Variants in GEMIN8 observed in about 807,000 individuals in gnomAD.
GEMIN8 encodes the protein gem nuclear organelle associated protein 8.
For missense variants in GEMIN8, 185 were observed against 205.9 expected (o/e 0.90, Z 0.62); for synonymous variants, 80 against 78.5 (o/e 1.02, Z -0.10).
chrX:14,018,090 C>A (rs1373519728), intron 4 of GEMIN8, among the ~76,000 whole-genome samples: 2 of 112,379 alleles, frequency 1.8e-5, no homozygotes, highest in African/African-American at 6.5e-5. Flanking sequence ...ATTTGCCAAC[C>A]TCTGATTTAA....
intron 4 of GEMIN8, chrX:14,014,168 G>GT: frequency 1.3e-6 from 1 of 752,403 alleles, no homozygotes; most frequent in Non-Finnish European, 1.6e-6. Context: ...GGCAAAGAAT[G>GT]TTTTTTCCCC....
chrX:14,018,830 A>G (rs1195337603), intron 4 of GEMIN8, among the ~76,000 whole-genome samples: 1 of 95,055 alleles, frequency 1.1e-5, no homozygotes, highest in Non-Finnish European at 2.0e-5. Flanking sequence ...CAGTGGTGTG[A>G]TCGTGGCTCA....
intron 4 of GEMIN8, among the ~76,000 whole-genome samples, chrX:14,011,772 A>G (rs1043473883): frequency 9.0e-6 from 1 of 111,438 alleles, no homozygotes; most frequent in African/African-American, 3.3e-5. Flanking sequence ...GAACACTGAG[A>G]TCTTAGCTAT....
chrX:14,003,752 T>C (rs1238979097), downstream of GEMIN8, among the ~76,000 whole-genome samples: 1 of 112,453 alleles, frequency 8.9e-6, no homozygotes, highest in Non-Finnish European at 1.9e-5. Flanking sequence ...TTTGTACCTG[T>C]AATAGCTACC....
At chrX:14,016,228 C>CA (rs1286111237) in intron 4 of GEMIN8, among the ~76,000 whole-genome samples, 1 of 112,050 alleles carries the variant, frequency 8.9e-6, no homozygotes, top group Non-Finnish European at 1.9e-5. Flanking sequence ...GAGCATGACA[C>CA]AGACGCTAAG....
At chrX:14,016,866 A>AAATATATAT (rs1555947311) in intron 4 of GEMIN8, among the ~76,000 whole-genome samples, 1 of 57,184 alleles carries the variant, frequency 1.7e-5, no homozygotes, top group Non-Finnish European at 3.0e-5. Flanking sequence ...AAAAAAAAAA[A>AAATATATAT]ATATATATAT....
chrX:14,001,032 C>T, the GEMIN8 span, among the ~76,000 whole-genome samples: 1 of 112,163 alleles, frequency 8.9e-6, no homozygotes, highest in Non-Finnish European at 1.9e-5. Flanking sequence ...CAGACCTCTC[C>T]GTAACATTTA....
the GEMIN8 span, among the ~76,000 whole-genome samples, chrX:13,999,014 C>G: frequency 2.9e-4 from 32 of 111,528 alleles, no homozygotes; most frequent in Non-Finnish European, 2.8e-4. Context: ...TATCTCCTCC[C>G]TTTGAAAAGT....
chrX:14,001,525 C>T, the GEMIN8 span, among the ~76,000 whole-genome samples: 1 of 111,033 alleles, frequency 9.0e-6, no homozygotes, highest in Non-Finnish European at 1.9e-5. Flanking sequence ...CTCCAACATG[C>T]GCTTTTTTTC....
chrX:14,019,012 G>A (rs1485706088), intron 4 of GEMIN8, among the ~76,000 whole-genome samples: 1 of 111,371 alleles, frequency 9.0e-6, no homozygotes, highest in Non-Finnish European at 1.9e-5. Flanking sequence ...GAAGAATCAC[G>A]GACGAAGATA....
downstream of GEMIN8, among the ~76,000 whole-genome samples, chrX:14,006,235 G>A (rs1418633351): frequency 1.8e-5 from 2 of 110,445 alleles, no homozygotes; most frequent in East Asian, 2.8e-4. Context: ...CACCATGTTG[G>A]CCAGGCTGGT....
intron 4 of GEMIN8, among the ~76,000 whole-genome samples, chrX:14,013,048 T>C (rs1923670122): frequency 8.9e-6 from 1 of 112,585 alleles, no homozygotes; most frequent in South Asian, 3.6e-4. Flanking sequence ...GAAAGTACTT[T>C]AGCGTGTACT....
chrX:14,024,131 G>A (rs1289537904), intron 2 of GEMIN8, among the ~76,000 whole-genome samples: 1 of 112,494 alleles, frequency 8.9e-6, no homozygotes, highest in Non-Finnish European at 1.9e-5. Flanking sequence ...GTGAGATAAA[G>A]TAGACTACCA....
chrX:13,993,665 C>A, the GEMIN8 span, among the ~76,000 whole-genome samples: 5 of 110,206 alleles, frequency 4.5e-5, no homozygotes, highest in African/African-American at 1.7e-4. Context: ...CTCTAGCAAT[C>A]CTCCCACTTC....
the GEMIN8 span, among the ~76,000 whole-genome samples, chrX:13,997,723 C>T: frequency 6.0e-3 from 663 of 110,180 alleles, 4 homozygotes; most frequent in Non-Finnish European, 8.5e-3. Flanking sequence ...GGCAAAACGC[C>T]GTCTCTACTA....
At chrX:14,011,523 T>C (rs1337388294) in intron 4 of GEMIN8, among the ~76,000 whole-genome samples, 1 of 83,760 alleles carries the variant, frequency 1.2e-5, no homozygotes, top group African/African-American at 5.5e-5. Context: ...TCTCTTTTTT[T>C]TTTTTTTTTT....
chrX:14,027,239 C>T (rs1212286205), intron 1 of GEMIN8: 6 of 113,327 alleles, frequency 5.3e-5, no homozygotes, highest in Non-Finnish European at 1.1e-4. Flanking sequence ...GCCCCACCTA[C>T]TTGGGCAGCC....
chrX:14,020,311 T>A lies in GEMIN8; in HGVS notation c.239A>T (p.His80Leu). 8.3e-7 allele frequency: 1 copy of A among 1,208,973 alleles called. No individual in the cohort carries two copies. The highest frequency in any genetic ancestry group is 1.7e-5 in the African/African-American group (1 of 57,741). The change falls in exon 4 of 5, where the codon CAT becomes CTT. Residue 80 changes from histidine to leucine, a missense_variant. Transcript: ENST00000680255. ...GCAGGGGTAGTCCTGCCAGGCCACA[T>A]GATGGTCATAGAAGGACTGAGGATA... ...AAYPQSFYDH[H>L]VAWQDYPCSS...
At chrX:13,990,149 C>G in the GEMIN8 span, among the ~76,000 whole-genome samples, 3 of 112,680 alleles carry the variant, frequency 2.7e-5, no homozygotes, top group African/African-American at 9.7e-5. Context: ...CTGTATTGGA[C>G]AGTGCAGACA....
Sources: allele counts gnomAD v4.1 joint callset (sites outside exome capture counted in the v4.1 genomes callset), GRCh38; gene constraint gnomAD v4.1.1; transcripts MANE v1.5; gene names NCBI Gene and HGNC (gene_info 2026-07-23, HGNC 2026-07-21).